The following MIPOL1 variants were observed in gnomAD, a reference collection of about 807,000 sequenced individuals.
The protein encoded by MIPOL1 is mirror-image polydactyly 1, also known as mirror-image polydactyly gene 1 protein.
A neutral mutation model predicts 60.9 loss-of-function variants in MIPOL1; 57 were observed. That is an observed-to-expected ratio of 0.94 (90% CI 0.76 to 1.17). The LOEUF (loss-of-function observed/expected upper bound fraction) is 1.17, where lower values mean the gene tolerates loss of function less well. MIPOL1 is among the 50% of genes most tolerant of loss of function. MIPOL1 has a pLI of 0.00. For synonymous variants in MIPOL1, 179 were observed against 168.8 expected, an observed-to-expected ratio of 1.06 and a Z score of -0.47; for missense variants, 551 against 511.6, an observed-to-expected ratio of 1.08 and a Z score of -0.74.
chr14:37,206,736 A>C (rs1269221738), intron 1 of MIPOL1, among the ~76,000 whole-genome samples: 1 of 152,230 alleles, frequency 6.6e-6, no homozygotes, highest in Non-Finnish European at 1.5e-5. Flanking sequence ...CTCTTGCATC[A>C]GTGTGACCTG....
intron 12 of MIPOL1, among the ~76,000 whole-genome samples, chr14:37,517,907 T>C (rs570202128): frequency 6.6e-6 from 1 of 152,304 alleles, no homozygotes; most frequent in East Asian, 1.9e-4. Context: ...TTTCTGAGTA[T>C]GCCCTTTTGT....
intron 11 of MIPOL1, among the ~76,000 whole-genome samples, chr14:37,486,814 A>G (rs1433696652): frequency 6.6e-6 from 1 of 152,086 alleles, no homozygotes; most frequent in Non-Finnish European, 1.5e-5. Context: ...AATACTCTTT[A>G]TTGCTTTCTC....
At chr14:37,257,095 T>TG (rs138371471) in intron 3 of MIPOL1, among the ~76,000 whole-genome samples, 3 of 137,708 alleles carry the variant, frequency 2.2e-5, no homozygotes, top group South Asian at 4.9e-4. Flanking sequence ...TGGTTTTGTT[T>TG]TGTGTGTGTG....
chr14:37,268,297 G>A (rs1288257174), intron 4 of MIPOL1, among the ~76,000 whole-genome samples: 2 of 152,132 alleles, frequency 1.3e-5, no homozygotes, highest in African/African-American at 4.8e-5. Context: ...CTTTTGAGGA[G>A]TAGAAGCACA....
intron 12 of MIPOL1, chr14:37,505,039 C>G (rs2095262337): frequency 6.6e-6 from 1 of 152,118 alleles, no homozygotes; most frequent in Admixed American, 6.6e-5. Flanking sequence ...TACACCCTCC[C>G]AAGACTAACC....
chr14:37,518,991 A>G (rs1031432504), intron 12 of MIPOL1, among the ~76,000 whole-genome samples: 2 of 152,178 alleles, frequency 1.3e-5, no homozygotes, highest in African/African-American at 4.8e-5. Context: ...CAAAAACAAG[A>G]GATGAAGGAT....
chr14:37,271,738 A>C (rs2083316273), intron 6 of MIPOL1, among the ~76,000 whole-genome samples: 1 of 151,714 alleles, frequency 6.6e-6, no homozygotes, highest in African/African-American at 2.4e-5. Context: ...TAAATATACT[A>C]ATTTTTAGGA....
intron 12 of MIPOL1, among the ~76,000 whole-genome samples, chr14:37,515,795 C>T (rs922703829): frequency 6.6e-6 from 1 of 152,108 alleles, no homozygotes; most frequent in South Asian, 2.1e-4. Flanking sequence ...TATAATCACA[C>T]CACAATGTGA....
intron 11 of MIPOL1, among the ~76,000 whole-genome samples, chr14:37,484,373 C>G (rs941583216): frequency 1.5e-5 from 2 of 130,382 alleles, no homozygotes; most frequent in African/African-American, 3.0e-5. Context: ...GAGTCTCGCT[C>G]TGTCACCAGG....
chr14:37,545,730 T>C, intron 12 of MIPOL1: 1 of 622,620 alleles, frequency 1.6e-6, no homozygotes. Context: ...ATGCAGTTGA[T>C]TTGTCCATTC....
intron 1 of MIPOL1, among the ~76,000 whole-genome samples, chr14:37,208,780 G>A (rs1056088475): frequency 1.3e-5 from 2 of 152,028 alleles, no homozygotes; most frequent in African/African-American, 4.8e-5. Context: ...TAGTAGAGAT[G>A]GGGATTCACC....
Position 37,550,492 on chromosome 14 carries a change from T to TTACA in MIPOL1, c.*3524_*3527dup, listed in dbSNP as rs1294090782. ...TACAGCTAACCTATCTATTCATATT[T>TTACA]TACATATATATATATATATATACAT... On this transcript the variant is annotated 3_prime_UTR_variant, in exon 13 of 13. Coordinates refer to ENST00000684589, the MANE Select transcript of MIPOL1 (RefSeq NM_001388067.1). 7.1e-6 allele frequency: 1 copy of TTACA among 141,328 alleles called. No individual in the cohort carries two copies. The highest frequency in any genetic ancestry group is 1.5e-5 in the Non-Finnish European group (1 of 65,198). The allele number at this position is 141,328 out of a possible 1,614,324, so 8.8% of individuals were successfully genotyped here. A position where few individuals can be genotyped will look rare whatever the true frequency, so the allele number is the denominator to read the frequency against.
intron 1 of MIPOL1, among the ~76,000 whole-genome samples, chr14:37,204,993 G>A (rs1486259201): frequency 2.6e-5 from 4 of 152,148 alleles, no homozygotes; most frequent in Admixed American, 6.5e-5. Context: ...TGAGGAACTT[G>A]TTGAGAACTG....
chr14:37,342,408 A>ATT (rs1008918328), intron 9 of MIPOL1, among the ~76,000 whole-genome samples: 1 of 144,362 alleles, frequency 6.9e-6, no homozygotes, highest in African/African-American at 2.5e-5. Flanking sequence ...GCAAATCACA[A>ATT]TTTTTTTTTT....
intron 12 of MIPOL1, among the ~76,000 whole-genome samples, chr14:37,546,695 T>C (rs2095548774): frequency 6.6e-6 from 1 of 151,930 alleles, no homozygotes; most frequent in Non-Finnish European, 1.5e-5. Context: ...AATTCAAGGA[T>C]CTGGGTTAAA....
chr14:37,382,081 T>C (rs968730138), intron 10 of MIPOL1, among the ~76,000 whole-genome samples: 1 of 152,042 alleles, frequency 6.6e-6, no homozygotes, highest in Admixed American at 6.6e-5. Flanking sequence ...TTCTTGGTAT[T>C]TTAGGGGGAA....
intron 12 of MIPOL1, chr14:37,504,003 CAAAG>C (rs1345358033): frequency 6.6e-6 from 1 of 152,074 alleles, no homozygotes; most frequent in African/African-American, 2.4e-5. Context: ...TCAAAAGAGA[CAAAG>C]AAGGCCATTA....
intron 12 of MIPOL1, among the ~76,000 whole-genome samples, chr14:37,539,047 A>C (rs1042781103): frequency 6.6e-6 from 1 of 151,962 alleles, no homozygotes; most frequent in African/African-American, 2.4e-5. Context: ...CTAAAAATAC[A>C]AAAAATTAGC....
At chr14:37,421,741 A>T (rs1433887658) in intron 10 of MIPOL1, among the ~76,000 whole-genome samples, 1 of 152,012 alleles carries the variant, frequency 6.6e-6, no homozygotes, top group East Asian at 1.9e-4. Flanking sequence ...TTTTAAAATT[A>T]TTATCAAAAT....
Sources: gnomAD v4.1 joint callset for allele counts (sites outside exome capture counted in the v4.1 genomes callset) on GRCh38, gnomAD v4.1.1 for gene constraint, MANE v1.5 for transcripts, NCBI Gene and HGNC (gene_info 2026-07-23, HGNC 2026-07-21) for gene names.